Variants in FOXP1 observed in about 807,000 individuals in gnomAD.
FOXP1 encodes forkhead box protein P1.
In FOXP1, 15 loss-of-function variants were observed where a neutral mutation model predicts 98.2. The ratio of observed to expected loss-of-function variants is 0.15; its 90% CI spans 0.10 to 0.24. The LOEUF is 0.24. Among genes scored for constraint, FOXP1 ranks in the 10% least tolerant of loss-of-function variants. The pLI is 1.00. For synonymous variants in FOXP1, 371 were observed against 314.5 expected, an observed-to-expected ratio of 1.18 and a Z score of -1.90; for missense variants, 633 against 848.5, an observed-to-expected ratio of 0.75 and a Z score of 3.15.
chr3:71,366,686 G>A (rs1018033143), intron 3 of FOXP1, among the ~76,000 whole-genome samples: 7 of 152,056 alleles, frequency 4.6e-5, no homozygotes, highest in African/African-American at 1.7e-4. Context: ...TTTATTAATG[G>A]CTTTTGACTG....
chr3:71,312,305 C>A (rs1214921388), intron 4 of FOXP1, among the ~76,000 whole-genome samples: 2 of 152,220 alleles, frequency 1.3e-5, no homozygotes, highest in Non-Finnish European at 2.9e-5. Flanking sequence ...GAAGCTGTTG[C>A]TGAACTCATC....
chr3:71,522,632 G>C (rs1302882481), intron 2 of FOXP1, among the ~76,000 whole-genome samples: 1 of 152,190 alleles, frequency 6.6e-6, no homozygotes, highest in Admixed American at 6.5e-5. Context: ...GGTGGCACTA[G>C]AGAGCTTCAA....
chr3:71,297,820 T>TTCACCA (rs2073468229), intron 5 of FOXP1, among the ~76,000 whole-genome samples: 1 of 151,574 alleles, frequency 6.6e-6, no homozygotes, highest in Non-Finnish European at 1.5e-5. Flanking sequence ...TTCACCAGGT[T>TTCACCA]GGTCTCGAAC....
chr3:71,113,139 A>G (rs2058075526), intron 6 of FOXP1, among the ~76,000 whole-genome samples: 1 of 152,184 alleles, frequency 6.6e-6, no homozygotes, highest in East Asian at 1.9e-4. Context: ...AAAATATACT[A>G]TGGATTAGGC....
chr3:71,375,777 A>G (rs1214324373), intron 3 of FOXP1, among the ~76,000 whole-genome samples: 3 of 152,246 alleles, frequency 2.0e-5, no homozygotes, highest in African/African-American at 7.2e-5. Context: ...ACAAAGCTAG[A>G]CATCATGACT....
rs2057825143 is a variant in FOXP1, at chr3:71,110,480, G to C, written c.282+2056C>G. Among the ~76,000 whole-genome samples, 4 of 152,246 alleles carry C rather than the reference G, an allele frequency of 2.6e-5. No individual in the cohort carries two copies. In the South Asian group the frequency reaches 8.3e-4, roughly 32 times the overall value. Reference sequence around the variant, plus strand: ...TCAAGAGGACTCGGGGTATTTTTAAGGCTGTAAGAGCTCCAAGAGGGAGGC... The same window carrying C: ...TCAAGAGGACTCGGGGTATTTTTAACGCTGTAAGAGCTCCAAGAGGGAGGC... On this transcript the variant is annotated intron_variant, in intron 7 of 20. Transcript: ENST00000649528.
rs535968270 is a variant in FOXP1 at position 71,202,918 on chromosome 3, G to A, written c.-11-4526C>T. On this transcript the variant is annotated intron_variant, in intron 5 of 20. Coordinates refer to ENST00000649528, the MANE Select transcript of FOXP1 (RefSeq NM_001349338.3). ...GAATCTATCTTCTCCATCAAGGGAC[G>A]TTGCACCCTCTTTTCTTCGAGGAAG... Among the ~76,000 whole-genome samples the A allele has an allele frequency of 6.3e-4, 96 of 152,222 alleles. 2 individuals are homozygous for A. In the South Asian group the frequency reaches 0.019, roughly 30 times the overall value.
At chr3:71,334,908 G>C (rs1366120815) in intron 4 of FOXP1, 1 of 152,164 alleles carries the variant, frequency 6.6e-6, no homozygotes, top group Non-Finnish European at 1.5e-5. Flanking sequence ...AGAGTTAAAA[G>C]GGGGAGAGTA....
intron 4 of FOXP1, among the ~76,000 whole-genome samples, chr3:71,301,553 G>A (rs1233806069): frequency 6.6e-6 from 1 of 152,124 alleles, no homozygotes; most frequent in Non-Finnish European, 1.5e-5. Flanking sequence ...TACTTGAGAT[G>A]TTCTCCAATA....
chr3:71,243,076 C>A (rs1347172574), intron 5 of FOXP1, among the ~76,000 whole-genome samples: 1 of 152,136 alleles, frequency 6.6e-6, no homozygotes, highest in Non-Finnish European at 1.5e-5. Flanking sequence ...AATATCTCCC[C>A]GTCTAATTAA....
chr3:71,230,349 A>G (rs2066186924), intron 5 of FOXP1, among the ~76,000 whole-genome samples: 1 of 152,212 alleles, frequency 6.6e-6, no homozygotes, highest in South Asian at 2.1e-4. Context: ...TCTGGTGCCA[A>G]GAAGCCTCTA....
rs975972295 is a variant in FOXP1, at chr3:71,149,496, AC to A, written c.181-36860del. ...TACTGGTTTATAAGATAAAGGGCCT[AC>A]AGAAGGCCCAATGAAATACGGCATA... On this transcript the variant is annotated intron_variant, in intron 6 of 20. Coordinates refer to ENST00000649528, the MANE Select transcript of FOXP1 (RefSeq NM_001349338.3). Among the ~76,000 whole-genome samples the A allele has an allele frequency of 3.9e-4, 59 of 152,352 alleles. 1 individual carries two copies. Among genetic ancestry groups the A allele is most frequent in the African/African-American group, 1.4e-3 (58 of 41,578 alleles).
At chr3:70,987,236 C>T (rs974177736) in intron 14 of FOXP1, among the ~76,000 whole-genome samples, 3 of 152,102 alleles carry the variant, frequency 2.0e-5, no homozygotes, top group Non-Finnish European at 2.9e-5. Context: ...AGGAATATGA[C>T]CGTTAAAGAG....
intron 2 of FOXP1, among the ~76,000 whole-genome samples, chr3:71,556,089 A>T (rs2046106930): frequency 6.6e-6 from 1 of 152,150 alleles, no homozygotes; most frequent in Admixed American, 6.5e-5. Flanking sequence ...AACACACTAT[A>T]TATGTAATAT....
chr3:71,086,804 C>T (rs1442680325), intron 7 of FOXP1, among the ~76,000 whole-genome samples: 1 of 152,202 alleles, frequency 6.6e-6, no homozygotes, highest in Admixed American at 6.5e-5. Flanking sequence ...CACTTGCTTC[C>T]ACTCCCGTCC....
chr3:71,151,130 T>A (rs114272480), intron 6 of FOXP1, among the ~76,000 whole-genome samples: 1 of 152,172 alleles, frequency 6.6e-6, no homozygotes, highest in South Asian at 2.1e-4. Flanking sequence ...AGCCAGTTAT[T>A]TAACTCATCT....
chr3:71,543,102 T>C (rs999413470), intron 2 of FOXP1, among the ~76,000 whole-genome samples: 3 of 152,186 alleles, frequency 2.0e-5, no homozygotes, highest in African/African-American at 7.2e-5. Flanking sequence ...CAGCTTGTAG[T>C]GTCTGCCGAG....
chr3:71,274,634 T>A lies in FOXP1; in HGVS notation c.-12+25186A>T, dbSNP rs2070714344. On this transcript the variant is annotated intron_variant, in intron 5 of 20. Transcript: ENST00000649528. ...ATATGGCATGCAACTAAAAAAGTATTTTCGATAACACAGTGATCCACGGAG... is the reference window on the plus strand; with the variant it reads ...ATATGGCATGCAACTAAAAAAGTATATTCGATAACACAGTGATCCACGGAG... 2.0e-5 allele frequency among the ~76,000 whole-genome samples: 3 copies of A among 152,298 alleles called. No homozygotes were observed. In the South Asian group the frequency reaches 6.2e-4, roughly 32 times the overall value.
intron 2 of FOXP1, among the ~76,000 whole-genome samples, chr3:71,497,290 T>C (rs1464587438): frequency 2.0e-5 from 3 of 152,100 alleles, no homozygotes. Flanking sequence ...GTTTATCACC[T>C]CTCTATAAGG....
Sources: allele counts gnomAD v4.1 joint callset (sites outside exome capture counted in the v4.1 genomes callset), GRCh38; gene constraint gnomAD v4.1.1; transcripts MANE v1.5; gene names NCBI Gene and HGNC (gene_info 2026-07-23, HGNC 2026-07-21).